Variants in GSK3B observed in about 807,000 individuals in gnomAD.
GSK3B encodes glycogen synthase kinase-3 beta.
In GSK3B, 15 loss-of-function variants were observed where a neutral mutation model predicts 56.4. The observed-to-expected ratio is 0.27, with a 90% CI of 0.18 to 0.41. The LOEUF is 0.41. GSK3B is among the 10% of genes least tolerant of loss of function. The pLI is 1.00. For missense variants in GSK3B, 300 were observed against 513.4 expected (o/e 0.58, Z 4.02); for synonymous variants, 181 against 188.9 (o/e 0.96, Z 0.34).
At chr3:119,864,897 G>A (rs751337169) in intron 8 of GSK3B, among the ~76,000 whole-genome samples, 3 of 152,070 alleles carry the variant, frequency 2.0e-5, no homozygotes, top group Admixed American at 6.6e-5. Flanking sequence ...AAATTATTTC[G>A]GAACATAAAG....
chr3:119,941,886 C>G (rs1255117022), intron 3 of GSK3B, among the ~76,000 whole-genome samples: 1 of 152,192 alleles, frequency 6.6e-6, no homozygotes, highest in East Asian at 1.9e-4. Flanking sequence ...TCAAATATTT[C>G]TAGCTACAAA....
chr3:119,827,608 A>AAAAAT (rs1553721502), intron 10 of GSK3B, among the ~76,000 whole-genome samples: 13 of 94,612 alleles, frequency 1.4e-4, no homozygotes, highest in Admixed American at 5.3e-4. Context: ...AAAAAAAAAA[A>AAAAAT]AGAGAGAGAG....
At chr3:120,091,241 T>A (rs2058509855) in intron 1 of GSK3B, among the ~76,000 whole-genome samples, 1 of 152,186 alleles carries the variant, frequency 6.6e-6, no homozygotes. Context: ...TATGTCTGTT[T>A]TCAACAGGGG....
chr3:119,865,458 ATATATATATTTTTTTTT>A (rs1231952155), intron 8 of GSK3B, among the ~76,000 whole-genome samples: 3 of 20,696 alleles, frequency 1.4e-4, no homozygotes, highest in African/African-American at 3.3e-4. Flanking sequence ...ATATATATAT[ATATATATATTTTTTTTT>A]TTTTTTTTTT....
At chr3:119,925,465 A>C (rs1286841512) in intron 3 of GSK3B, among the ~76,000 whole-genome samples, 1 of 152,152 alleles carries the variant, frequency 6.6e-6, no homozygotes, top group Non-Finnish European at 1.5e-5. Flanking sequence ...CCTTGCTTGC[A>C]TCACTACAAG....
At chr3:119,915,597 G>A (rs1360850164) in intron 5 of GSK3B, among the ~76,000 whole-genome samples, 1 of 151,828 alleles carries the variant, frequency 6.6e-6, no homozygotes, top group Non-Finnish European at 1.5e-5. Flanking sequence ...AAACATAAAA[G>A]GTGGCATACA....
At chr3:119,833,391 G>C (rs1400700745) in intron 10 of GSK3B, among the ~76,000 whole-genome samples, 2 of 152,084 alleles carry the variant, frequency 1.3e-5, no homozygotes, top group Non-Finnish European at 2.9e-5. Context: ...AAATTCTTCT[G>C]ATTTATTGAA....
At chr3:119,899,382 A>ATAG (rs1226893754) in intron 7 of GSK3B, among the ~76,000 whole-genome samples, 2 of 152,140 alleles carry the variant, frequency 1.3e-5, no homozygotes, top group African/African-American at 4.8e-5. Context: ...AGTAACAGTA[A>ATAG]TAGTAGTAGT....
intron 7 of GSK3B, among the ~76,000 whole-genome samples, chr3:119,895,461 A>T (rs2056552110): frequency 6.6e-6 from 1 of 152,146 alleles, no homozygotes; most frequent in Non-Finnish European, 1.5e-5. Flanking sequence ...GCTGGATCAT[A>T]CTGTAATTTT....
chr3:119,940,851 C>T (rs57915833), intron 3 of GSK3B, among the ~76,000 whole-genome samples: 7 of 152,252 alleles, frequency 4.6e-5, no homozygotes, highest in Middle Eastern at 3.4e-3. Flanking sequence ...GGGCAGGTCA[C>T]GTCACTTAAC....
At chr3:119,942,251 T>C (rs1026295908) in intron 3 of GSK3B, among the ~76,000 whole-genome samples, 9 of 152,188 alleles carry the variant, frequency 5.9e-5, no homozygotes, top group East Asian at 1.9e-4. Context: ...TATTAATTGA[T>C]TGAAATAAAA....
chr3:120,030,784 T>G (rs532857929), intron 1 of GSK3B, among the ~76,000 whole-genome samples: 57 of 152,356 alleles, frequency 3.7e-4, no homozygotes, highest in African/African-American at 1.3e-3. Context: ...TTCTTTTCCT[T>G]CAAAGCACTT....
chr3:119,895,998 T>C (rs1257066134), intron 7 of GSK3B, among the ~76,000 whole-genome samples: 3 of 151,804 alleles, frequency 2.0e-5, no homozygotes, highest in African/African-American at 7.3e-5. Context: ...CATGGTGGTG[T>C]GTGCCTGTAG....
At chr3:120,016,889 C>G (rs1051749120) in intron 1 of GSK3B, among the ~76,000 whole-genome samples, 2 of 152,136 alleles carry the variant, frequency 1.3e-5, no homozygotes, top group South Asian at 4.1e-4. Context: ...AAAATCAAAC[C>G]AAACCCAAAG....
At chr3:119,952,441 T>C (rs1359080268) in intron 2 of GSK3B, among the ~76,000 whole-genome samples, 1 of 143,384 alleles carries the variant, frequency 7.0e-6, no homozygotes, top group Non-Finnish European at 1.5e-5. Flanking sequence ...TGAGTCGAGA[T>C]CGTGCCACTG....
intron 5 of GSK3B, among the ~76,000 whole-genome samples, chr3:119,914,131 T>C (rs540181565): frequency 6.6e-6 from 1 of 152,126 alleles, no homozygotes; most frequent in East Asian, 1.9e-4. Flanking sequence ...CTTCCCAATA[T>C]TGTGATCACA....
chr3:119,964,846 G>A (rs2057304504), intron 2 of GSK3B, among the ~76,000 whole-genome samples: 1 of 152,176 alleles, frequency 6.6e-6, no homozygotes, highest in East Asian at 1.9e-4. Flanking sequence ...TCTTGGCTGT[G>A]GTGATGGTAA....
intron 1 of GSK3B, chr3:120,041,369 G>A (rs2058063699): frequency 3.1e-6 from 1 of 319,280 alleles, no homozygotes; most frequent in Non-Finnish European, 6.4e-6. Flanking sequence ...ATGTCCATAA[G>A]ATGGTGGTGA....
chr3:120,012,695 T>G (rs1297773071), intron 1 of GSK3B, among the ~76,000 whole-genome samples: 1 of 152,174 alleles, frequency 6.6e-6, no homozygotes, highest in African/African-American at 2.4e-5. Flanking sequence ...TTTTCTTTTT[T>G]AAGAGACAGG....
Sources: allele counts gnomAD v4.1 joint callset (sites outside exome capture counted in the v4.1 genomes callset), GRCh38; gene constraint gnomAD v4.1.1; transcripts MANE v1.5; gene names NCBI Gene and HGNC (gene_info 2026-07-23, HGNC 2026-07-21).